The following FAM149B1 variants were observed in gnomAD, a reference collection of about 807,000 sequenced individuals.
FAM149B1 encodes family with sequence similarity 149 member B1.
FAM149B1 carries 56 observed loss-of-function variants against 75.3 expected under a neutral mutation model. The ratio of observed to expected loss-of-function variants is 0.74; its 90% confidence interval spans 0.60 to 0.93. The LOEUF is 0.93. Among genes scored for constraint, FAM149B1 ranks in the 40% least tolerant of loss-of-function variants. The probability of loss-of-function intolerance (pLI) is 0.00; values close to 1 mark genes in which losing one functional copy is unlikely to be tolerated. For missense variants in FAM149B1, 639 were observed against 708.4 expected (o/e 0.90, Z 1.11); for synonymous variants, 259 against 256.1 (o/e 1.01, Z -0.11).
intron 5 of FAM149B1, among the ~76,000 whole-genome samples, chr10:73,205,721 T>G (rs1237130196): frequency 3.3e-5 from 5 of 151,972 alleles, no homozygotes; most frequent in Non-Finnish European, 7.4e-5. Flanking sequence ...GCCTGGCTAA[T>G]TTTTGTATTT....
intron 2 of FAM149B1, among the ~76,000 whole-genome samples, chr10:73,176,205 T>C (rs1023422376): frequency 6.6e-6 from 1 of 152,008 alleles, no homozygotes. Context: ...CATGCGCAGT[T>C]TGTGCTCCTG....
rs1293466975 is a variant in FAM149B1 at position 73,243,616 on chromosome 10, A to G, written c.*2597A>G. 1 of 1,473,086 alleles carries G rather than the reference A, an allele frequency of 6.8e-7. No individual in the cohort carries two copies. Among genetic ancestry groups the G allele is most frequent in the African/African-American group, 1.4e-5 (1 of 70,816 alleles). 91.3% of individuals were successfully genotyped at this position (1,473,086 alleles called of 1,614,324 possible). A position where few individuals can be genotyped will look rare whatever the true frequency, so the allele number is the denominator to read the frequency against. Reference sequence around the variant, plus strand: ...GGCTGGAAAAGTGGAATAACTACTAATGGGTATGGAGTTTTTTTGGAATGG... The same window carrying G: ...GGCTGGAAAAGTGGAATAACTACTAGTGGGTATGGAGTTTTTTTGGAATGG... On this transcript the variant is annotated 3_prime_UTR_variant, in exon 14 of 14. Coordinates refer to ENST00000242505, the MANE Select transcript of FAM149B1 (RefSeq NM_173348.2).
chr10:73,170,582 T>C (rs1325049355), intron 1 of FAM149B1, among the ~76,000 whole-genome samples: 1 of 152,172 alleles, frequency 6.6e-6, no homozygotes, highest in Non-Finnish European at 1.5e-5. Context: ...CAATAAATGG[T>C]ATTTTCCTTG....
intron 3 of FAM149B1, among the ~76,000 whole-genome samples, chr10:73,178,776 T>G (rs1372164766): frequency 6.6e-6 from 1 of 152,208 alleles, no homozygotes; most frequent in Admixed American, 6.5e-5. Context: ...AAATATTTAC[T>G]CAAAATATTG....
At chr10:73,239,652 CT>C (rs34824883) in intron 13 of FAM149B1, among the ~76,000 whole-genome samples, 9,902 of 140,210 alleles carry the variant, frequency 0.071, 889 homozygotes, top group African/African-American at 0.22. Flanking sequence ...GGTAAACTGC[CT>C]TTTTTTTTTT....
chr10:73,200,512 A>C (rs1162039451), intron 5 of FAM149B1: 3 of 659,620 alleles, frequency 4.5e-6, no homozygotes, highest in Non-Finnish European at 5.4e-6. Context: ...TATGTTAAAC[A>C]GAAGATACCT....
chr10:73,187,796 G>A (rs1006821255), intron 3 of FAM149B1, among the ~76,000 whole-genome samples: 1 of 150,794 alleles, frequency 6.6e-6, no homozygotes. Flanking sequence ...AGTCAGAACA[G>A]TGTGGGCAGG....
chr10:73,190,900 T>A (rs1249685896), intron 3 of FAM149B1, among the ~76,000 whole-genome samples: 1 of 152,044 alleles, frequency 6.6e-6, no homozygotes, highest in Non-Finnish European at 1.5e-5. Context: ...TTATTTTTTT[T>A]AGAGATGGCA....
At chr10:73,237,282 A>G (rs898000092) in intron 12 of FAM149B1, among the ~76,000 whole-genome samples, 1 of 152,204 alleles carries the variant, frequency 6.6e-6, no homozygotes, top group Non-Finnish European at 1.5e-5. Flanking sequence ...AGGAAACATG[A>G]GCATTTCTGA....
intron 5 of FAM149B1, chr10:73,201,055 C>T: frequency 3.3e-6 from 1 of 300,498 alleles, no homozygotes; most frequent in Non-Finnish European, 6.7e-6. Flanking sequence ...CTATGATCTA[C>T]CTAGCAGTCA....
At chr10:73,178,813 G>C (rs1476788485) in intron 3 of FAM149B1, among the ~76,000 whole-genome samples, 1 of 152,126 alleles carries the variant, frequency 6.6e-6, no homozygotes, top group Non-Finnish European at 1.5e-5. Flanking sequence ...TAGGTGATGA[G>C]ATGAGTGATT....
intron 6 of FAM149B1, among the ~76,000 whole-genome samples, chr10:73,209,839 T>G (rs546839040): frequency 1.3e-5 from 2 of 152,350 alleles, no homozygotes; most frequent in South Asian, 4.1e-4. Flanking sequence ...CAGCTGTGGT[T>G]AGGTCTAGTA....
At chr10:73,239,286 G>C in intron 12 of FAM149B1, 26 bp from the exon 13 acceptor site, 7 of 1,538,272 alleles carry the variant, frequency 4.6e-6, no homozygotes, top group Non-Finnish European at 4.4e-6. Flanking sequence ...TGCATCATAA[G>C]AAGTGTCTCC....
chr10:73,177,548 T>A (rs868468632), intron 2 of FAM149B1, among the ~76,000 whole-genome samples: 3 of 151,388 alleles, frequency 2.0e-5, no homozygotes, highest in Non-Finnish European at 2.9e-5. Flanking sequence ...CACTGTAGCC[T>A]GGGCGACAGC....
chr10:73,211,828 G>A (rs1316750293), intron 7 of FAM149B1, among the ~76,000 whole-genome samples: 1 of 151,954 alleles, frequency 6.6e-6, no homozygotes, highest in Non-Finnish European at 1.5e-5. Context: ...TTTCTTATGT[G>A]CATGTATTTC....
At chr10:73,233,362 TAC>T (rs1564715792) in intron 10 of FAM149B1, among the ~76,000 whole-genome samples, 199 bp downstream of exon 10, 1 of 152,166 alleles carries the variant, frequency 6.6e-6, no homozygotes, top group African/African-American at 2.4e-5. Flanking sequence ...TTTTTTTAGA[TAC>T]AGTCTCACTC....
At chr10:73,205,950 CTT>C (rs1377319395) in intron 5 of FAM149B1, among the ~76,000 whole-genome samples, 1 of 152,132 alleles carries the variant, frequency 6.6e-6, no homozygotes, top group Admixed American at 6.6e-5. Flanking sequence ...GTGGAAGTGA[CTT>C]TGAAACTGGG....
rs2043981897 is a variant in FAM149B1, at chr10:73,244,095, G to C, written c.*3076G>C. 8.3e-5 allele frequency: 50 copies of C among 602,236 alleles called. 1 individual carries two copies. The South Asian group carries it at 1.1e-3, about 13-fold the overall frequency. The allele number at this position is 602,236 out of a possible 1,614,324, so 37.3% of individuals were successfully genotyped here. A position where few individuals can be genotyped will look rare whatever the true frequency, so the allele number is the denominator to read the frequency against. ...TCATTCATTAAATGGCAACAATGCT[G>C]ACAGCAAGCAGTAGATCCTCTGATT... On this transcript the variant is annotated 3_prime_UTR_variant, in exon 14 of 14. Coordinates refer to ENST00000242505, the MANE Select transcript of FAM149B1 (RefSeq NM_173348.2).
intron 5 of FAM149B1, among the ~76,000 whole-genome samples, chr10:73,196,976 T>A (rs1309965270): frequency 6.6e-5 from 10 of 152,318 alleles, no homozygotes. Context: ...TGGTTAGCAG[T>A]CAACTTGCTG....
Sources: gnomAD v4.1 joint callset for allele counts (sites outside exome capture counted in the v4.1 genomes callset) on GRCh38, gnomAD v4.1.1 for gene constraint, MANE v1.5 for transcripts, NCBI Gene and HGNC (gene_info 2026-07-23, HGNC 2026-07-21) for gene names.